Variants in CREB5 observed in about 807,000 individuals in gnomAD.
CREB5 encodes cyclic AMP-responsive element-binding protein 5.
CREB5 carries 19 observed loss-of-function variants against 57.1 expected under a neutral mutation model. The observed-to-expected ratio is 0.33, with a 90% confidence interval of 0.23 to 0.49. The LOEUF is 0.49. Ranked by LOEUF, CREB5 falls within the 20% of genes least tolerant of loss-of-function variation. CREB5 has a pLI of 0.99. For missense variants in CREB5, 579 were observed against 671.6 expected (o/e 0.86, Z 1.52); for synonymous variants, 238 against 238.3 (o/e 1.00, Z 0.01).
At chr7:28,654,382 T>G (rs912423780) in intron 5 of CREB5, among the ~76,000 whole-genome samples, 1 of 152,222 alleles carries the variant, frequency 6.6e-6, no homozygotes, top group Non-Finnish European at 1.5e-5. Context: ...CGTAATACAG[T>G]ACAGCACTTT....
chr7:28,673,868 CTCA>C (rs1355459539), intron 5 of CREB5, among the ~76,000 whole-genome samples: 1 of 151,686 alleles, frequency 6.6e-6, no homozygotes, highest in African/African-American at 2.4e-5. Flanking sequence ...GAGACGGGGT[CTCA>C]TCATGTTGGC....
chr7:28,317,800 C>T (rs1785411244), intron 1 of CREB5, among the ~76,000 whole-genome samples: 1 of 152,162 alleles, frequency 6.6e-6, no homozygotes, highest in African/African-American at 2.4e-5. Flanking sequence ...AGGCTAATCT[C>T]TTCATTTCAG....
intron 1 of CREB5, among the ~76,000 whole-genome samples, chr7:28,374,207 G>A (rs773693774): frequency 6.6e-6 from 1 of 152,160 alleles, no homozygotes; most frequent in Non-Finnish European, 1.5e-5. Context: ...AAATCAAACA[G>A]ACTGACAATA....
intron 4 of CREB5, among the ~76,000 whole-genome samples, chr7:28,521,423 A>G (rs1424650525): frequency 6.6e-6 from 1 of 152,170 alleles, no homozygotes; most frequent in Non-Finnish European, 1.5e-5. Flanking sequence ...ACAGGTCCCA[A>G]GGCTCTTTAA....
intron 5 of CREB5, among the ~76,000 whole-genome samples, chr7:28,606,230 A>G (rs1011677617): frequency 2.0e-5 from 3 of 152,192 alleles, no homozygotes; most frequent in Non-Finnish European, 4.4e-5. Context: ...TCTCACCAAG[A>G]AAGATTTTTC....
At chr7:28,576,563 A>C (rs927908240) in intron 5 of CREB5, among the ~76,000 whole-genome samples, 31 of 152,306 alleles carry the variant, frequency 2.0e-4, no homozygotes, top group African/African-American at 6.5e-4. Context: ...GCTAATGCTC[A>C]GTCTATCTGT....
intron 9 of CREB5, among the ~76,000 whole-genome samples, chr7:28,812,962 A>G (rs1809211724): frequency 6.6e-6 from 1 of 152,230 alleles, no homozygotes; most frequent in Admixed American, 6.5e-5. Flanking sequence ...GCAGCATTTC[A>G]GATTGGAAAA....
At chr7:28,436,912 A>G (rs141011593) in intron 1 of CREB5, among the ~76,000 whole-genome samples, 5 of 152,302 alleles carry the variant, frequency 3.3e-5, no homozygotes, top group Admixed American at 2.0e-4. Flanking sequence ...ATTGTGTACT[A>G]TGCTCTTGAG....
intron 7 of CREB5, among the ~76,000 whole-genome samples, chr7:28,777,631 C>T (rs758127777): frequency 1.3e-5 from 2 of 152,186 alleles, no homozygotes; most frequent in African/African-American, 4.8e-5. Context: ...ATTAATCTGC[C>T]TTCCAGATGT....
chr7:28,543,225 A>G (rs545258184), intron 4 of CREB5, among the ~76,000 whole-genome samples: 2 of 152,324 alleles, frequency 1.3e-5, no homozygotes, highest in African/African-American at 2.4e-5. Context: ...CAGTGCAGGA[A>G]GGCATAAAAT....
rs555658755 is a variant in CREB5, at chr7:28,542,256, G to A, written c.292-28109G>A. On this transcript the variant is annotated intron_variant, in intron 4 of 10. Coordinates refer to ENST00000357727, the MANE Select transcript of CREB5 (RefSeq NM_182898.4). ...CCTAAAGTAACACAGTTAGCAAGTA[G>A]TGAAGCCAGATTCCAAGCCAGACGG... is the stretch of plus-strand genomic sequence containing the variant. 1.2e-4 allele frequency among the ~76,000 whole-genome samples: 19 copies of A among 152,314 alleles called. 1 individual carries two copies. Among genetic ancestry groups the A allele is most frequent in the African/African-American group, 4.1e-4 (17 of 41,568 alleles).
chr7:28,667,173 A>G (rs1799859160), intron 5 of CREB5, among the ~76,000 whole-genome samples: 2 of 151,746 alleles, frequency 1.3e-5, no homozygotes, highest in Admixed American at 6.6e-5. Flanking sequence ...CAGTTCTCAG[A>G]TGCATGCTGT....
At chr7:28,483,156 C>T (rs770701361) in intron 1 of CREB5, among the ~76,000 whole-genome samples, 10 of 152,206 alleles carry the variant, frequency 6.6e-5, no homozygotes, top group South Asian at 2.1e-4. Flanking sequence ...AGGCTGTCCA[C>T]GTTTCAGTAT....
chr7:28,561,019 T>TGCGTGTGTGTGCGTGC (rs796249724), intron 4 of CREB5, among the ~76,000 whole-genome samples: 7 of 31,376 alleles, frequency 2.2e-4, no homozygotes, highest in African/African-American at 8.8e-4. Context: ...TGTGTGTGCG[T>TGCGTGTGTGTGCGTGC]GTGTGCGTGT....
intron 5 of CREB5, among the ~76,000 whole-genome samples, chr7:28,668,798 G>A (rs1234915559): frequency 3.9e-5 from 6 of 152,122 alleles, no homozygotes; most frequent in Non-Finnish European, 7.3e-5. Context: ...GCGTGCCATG[G>A]CATTCAGTTT....
At chr7:28,597,238 T>G (rs1796719708) in intron 5 of CREB5, among the ~76,000 whole-genome samples, 1 of 152,208 alleles carries the variant, frequency 6.6e-6, no homozygotes, top group Non-Finnish European at 1.5e-5. Context: ...GGCCTTGCAT[T>G]TGATCCTCTG....
chr7:28,720,528 T>A (rs1002743910), intron 6 of CREB5, among the ~76,000 whole-genome samples: 1 of 152,150 alleles, frequency 6.6e-6, no homozygotes, highest in African/African-American at 2.4e-5. Context: ...AGCAATTTGC[T>A]CATTTATCTA....
chr7:28,623,132 C>T (rs1454277855), intron 5 of CREB5, among the ~76,000 whole-genome samples: 1 of 152,146 alleles, frequency 6.6e-6, no homozygotes, highest in Non-Finnish European at 1.5e-5. Context: ...ATCCAGCTGC[C>T]TCAGCCTCCC....
intron 4 of CREB5, among the ~76,000 whole-genome samples, chr7:28,512,692 C>T (rs532941423): frequency 2.4e-4 from 37 of 151,352 alleles, no homozygotes; most frequent in African/African-American, 7.8e-4. Context: ...TAAGGAAGGA[C>T]GGGTAATTGA....
Sources: allele counts gnomAD v4.1 joint callset (sites outside exome capture counted in the v4.1 genomes callset), GRCh38; gene constraint gnomAD v4.1.1; transcripts MANE v1.5; gene names NCBI Gene and HGNC (gene_info 2026-07-23, HGNC 2026-07-21).